CDH13: variants seen among roughly 807,000 people sequenced by gnomAD.
CDH13 encodes cadherin-13.
In CDH13, 24 loss-of-function variants were observed where a neutral mutation model predicts 63.8. That is an observed-to-expected ratio of 0.38 (90% CI 0.27 to 0.53). The LOEUF (loss-of-function observed/expected upper bound fraction) is 0.53, where lower values mean the gene tolerates loss of function less well. Ranked by LOEUF, CDH13 falls within the 20% of genes least tolerant of loss-of-function variation. The probability of loss-of-function intolerance (pLI) is 0.85; values close to 1 mark genes in which losing one functional copy is unlikely to be tolerated. For synonymous variants in CDH13, 503 were observed against 355.3 expected (o/e 1.42, Z -4.67); for missense variants, 1,049 against 903.1 (o/e 1.16, Z -2.07).
intron 6 of CDH13, among the ~76,000 whole-genome samples, chr16:83,484,582 C>T (rs559088812): frequency 1.3e-5 from 2 of 152,326 alleles, no homozygotes; most frequent in African/African-American, 2.4e-5. Context: ...CAAAGCAATA[C>T]ATTCACCTTG....
intron 6 of CDH13, among the ~76,000 whole-genome samples, chr16:83,455,219 C>A (rs1410185284): frequency 6.6e-6 from 1 of 152,164 alleles, no homozygotes; most frequent in Non-Finnish European, 1.5e-5. Context: ...CATCAGTGAA[C>A]AATACAACTT....
chr16:83,569,509 A>G (rs1297978075), intron 7 of CDH13, among the ~76,000 whole-genome samples: 2 of 152,212 alleles, frequency 1.3e-5, no homozygotes, highest in Non-Finnish European at 2.9e-5. Flanking sequence ...GAATGAATAA[A>G]ATAATACATC....
intron 7 of CDH13, among the ~76,000 whole-genome samples, chr16:83,525,239 C>G (rs565945706): frequency 1.3e-5 from 2 of 152,294 alleles, no homozygotes; most frequent in Admixed American, 1.3e-4. Flanking sequence ...AAGTCTAAGA[C>G]AGCTTCCATC....
intron 1 of CDH13, among the ~76,000 whole-genome samples, chr16:82,780,476 G>C (rs2035701448): frequency 6.6e-6 from 1 of 152,190 alleles, no homozygotes; most frequent in Non-Finnish European, 1.5e-5. Flanking sequence ...ATTTTCAACT[G>C]ACTCTTCCCC....
At chr16:83,566,962 C>T (rs1904286269) in intron 7 of CDH13, among the ~76,000 whole-genome samples, 1 of 152,178 alleles carries the variant, frequency 6.6e-6, no homozygotes, top group African/African-American at 2.4e-5. Flanking sequence ...TCTCTACTTC[C>T]TCACGTTCCC....
At chr16:82,838,679 G>C (rs758830804) in intron 1 of CDH13, among the ~76,000 whole-genome samples, 3 of 152,152 alleles carry the variant, frequency 2.0e-5, no homozygotes, top group East Asian at 1.9e-4. Flanking sequence ...TGATGGTTTT[G>C]TTTATACTCA....
intron 8 of CDH13, among the ~76,000 whole-genome samples, chr16:83,659,000 C>T (rs1451674635): frequency 4.2e-5 from 6 of 144,510 alleles, no homozygotes; most frequent in Admixed American, 6.8e-5. Flanking sequence ...CCACCAGGTC[C>T]CATGTCCTCA....
At chr16:83,508,980 C>T (rs2074491574) in intron 7 of CDH13, among the ~76,000 whole-genome samples, 1 of 152,198 alleles carries the variant, frequency 6.6e-6, no homozygotes, top group Admixed American at 6.5e-5. Flanking sequence ...CATGCCATCA[C>T]AGCTCTGTGT....
At chr16:83,316,488 G>A (rs1043851605) in intron 5 of CDH13, among the ~76,000 whole-genome samples, 5 of 152,190 alleles carry the variant, frequency 3.3e-5, no homozygotes, top group Admixed American at 2.0e-4. Flanking sequence ...AGCATGGTGG[G>A]GGATGCTGGC....
chr16:82,794,174 T>TTTTCA (rs1241816375), intron 1 of CDH13, among the ~76,000 whole-genome samples: 54 of 149,416 alleles, frequency 3.6e-4, no homozygotes, highest in African/African-American at 1.3e-3. Context: ...ATTTTTTTTC[T>TTTTCA]TTTCTTTTCT....
chr16:83,383,616 G>C (rs1013508411), intron 6 of CDH13, among the ~76,000 whole-genome samples: 4 of 152,222 alleles, frequency 2.6e-5, no homozygotes, highest in South Asian at 2.1e-4. Flanking sequence ...GACTCATGTG[G>C]TTTTAATTCT....
intron 6 of CDH13, among the ~76,000 whole-genome samples, chr16:83,360,440 A>AT (rs1426595750): frequency 2.0e-5 from 3 of 150,988 alleles, no homozygotes; most frequent in Non-Finnish European, 4.4e-5. Flanking sequence ...TGGTAGATCT[A>AT]TTTTTTATCT....
At chr16:82,858,318 C>A (rs1252809426) in intron 1 of CDH13, 44 bp from the exon 2 acceptor site, 1 of 1,335,680 alleles carries the variant, frequency 7.5e-7, no homozygotes, top group East Asian at 2.3e-5. Context: ...GCAGGGCAAA[C>A]ACATAAGCCG....
At chr16:82,713,447 A>T (rs1037227198) in intron 1 of CDH13, among the ~76,000 whole-genome samples, 1 of 151,658 alleles carries the variant, frequency 6.6e-6, no homozygotes, top group African/African-American at 2.4e-5. Context: ...TCCCCCTGAA[A>T]CCCTTTCCCT....
chr16:82,850,425 G>A (rs1051085848), intron 1 of CDH13, among the ~76,000 whole-genome samples: 1 of 152,224 alleles, frequency 6.6e-6, no homozygotes, highest in East Asian at 1.9e-4. Context: ...AATGTGAATG[G>A]ATGAGGAGCT....
chr16:83,627,903 A>T (rs1910458086), intron 8 of CDH13, among the ~76,000 whole-genome samples: 1 of 152,226 alleles, frequency 6.6e-6, no homozygotes, highest in African/African-American at 2.4e-5. Context: ...CAAGGAGCAG[A>T]TTATTCAAGA....
intron 6 of CDH13, among the ~76,000 whole-genome samples, chr16:83,434,875 G>T (rs906670575): frequency 4.3e-5 from 3 of 70,282 alleles, no homozygotes; most frequent in Non-Finnish European, 8.7e-5. Flanking sequence ...GTGTGTGTGT[G>T]TGTGTGTATG....
At chr16:82,872,331 C>T (rs945264261) in intron 2 of CDH13, among the ~76,000 whole-genome samples, 6 of 152,222 alleles carry the variant, frequency 3.9e-5, no homozygotes, top group African/African-American at 1.2e-4. Context: ...TATGGCCTCA[C>T]TCTTCAACCT....
chr16:82,746,334 A>T (rs2151062500), intron 1 of CDH13, among the ~76,000 whole-genome samples: 1 of 148,786 alleles, frequency 6.7e-6, no homozygotes. Flanking sequence ...AGTCATACTC[A>T]AATAGAGATG....
Sources: allele counts gnomAD v4.1 joint callset (sites outside exome capture counted in the v4.1 genomes callset), GRCh38; gene constraint gnomAD v4.1.1; transcripts MANE v1.5; gene names NCBI Gene and HGNC (gene_info 2026-07-23, HGNC 2026-07-21).